CADM2: variants seen among roughly 807,000 people sequenced by gnomAD.
CADM2 encodes cell adhesion molecule 2.
CADM2 carries 12 observed loss-of-function variants against 49.8 expected under a neutral mutation model. The ratio of observed to expected loss-of-function variants is 0.24; its 90% CI spans 0.15 to 0.39. The LOEUF is 0.39. Among genes scored for constraint, CADM2 ranks in the 10% least tolerant of loss-of-function variants. The pLI, the probability that CADM2 is intolerant of heterozygous loss-of-function variation, is 1.00. For synonymous variants in CADM2, 214 were observed against 175.4 expected, an observed-to-expected ratio of 1.22 and a Z score of -1.74; for missense variants, 378 against 492.3, an observed-to-expected ratio of 0.77 and a Z score of 2.20.
intron 1 of CADM2, among the ~76,000 whole-genome samples, chr3:85,259,951 G>GAT (rs922534144): frequency 2.6e-5 from 4 of 152,066 alleles, no homozygotes; most frequent in Admixed American, 2.6e-4. Context: ...GTCATCTTTT[G>GAT]AAGATGAGTC....
intron 1 of CADM2, among the ~76,000 whole-genome samples, chr3:85,117,843 A>AT (rs2038700008): frequency 6.6e-6 from 1 of 152,048 alleles, no homozygotes; most frequent in African/African-American, 2.4e-5. Flanking sequence ...TGGGCATTAT[A>AT]TTTTTTATAT....
At chr3:85,963,902 T>C (rs1725153499) in intron 8 of CADM2, among the ~76,000 whole-genome samples, 1 of 151,870 alleles carries the variant, frequency 6.6e-6, no homozygotes, top group Non-Finnish European at 1.5e-5. Flanking sequence ...TTCATGCTGC[T>C]AGATAAATGC....
At chr3:85,410,217 G>A (rs886226568) in intron 1 of CADM2, among the ~76,000 whole-genome samples, 5 of 151,986 alleles carry the variant, frequency 3.3e-5, no homozygotes, top group Admixed American at 6.6e-5. Flanking sequence ...TATGCATATC[G>A]CCACTAAGGC....
intron 1 of CADM2, among the ~76,000 whole-genome samples, chr3:85,375,063 G>A (rs924436171): frequency 6.6e-6 from 1 of 152,174 alleles, no homozygotes; most frequent in Non-Finnish European, 1.5e-5. Flanking sequence ...GGAGATTACT[G>A]TGTGTCAGTT....
At chr3:85,445,166 T>A (rs6797581) in intron 1 of CADM2, among the ~76,000 whole-genome samples, 1 of 151,980 alleles carries the variant, frequency 6.6e-6, no homozygotes, top group Non-Finnish European at 1.5e-5. Flanking sequence ...TCAATGATTT[T>A]CCTAAGGAAA....
At chr3:85,233,001 A>G (rs920482932) in intron 1 of CADM2, among the ~76,000 whole-genome samples, 1 of 152,212 alleles carries the variant, frequency 6.6e-6, no homozygotes, top group Non-Finnish European at 1.5e-5. Context: ...AAATACCTCA[A>G]TAGTTGAATG....
intron 1 of CADM2, among the ~76,000 whole-genome samples, chr3:85,529,872 A>G (rs921014247): frequency 2.0e-5 from 3 of 152,070 alleles, no homozygotes; most frequent in Non-Finnish European, 2.9e-5. Context: ...CTGAATTTCA[A>G]TATCTTATAA....
At chr3:85,108,153 A>C (rs2038317862) in intron 1 of CADM2, among the ~76,000 whole-genome samples, 1 of 152,172 alleles carries the variant, frequency 6.6e-6, no homozygotes, top group African/African-American at 2.4e-5. Context: ...TACAATAGCC[A>C]ATAGTTGGAA....
At chr3:85,135,320 C>A (rs1379046732) in intron 1 of CADM2, among the ~76,000 whole-genome samples, 2 of 151,844 alleles carry the variant, frequency 1.3e-5, no homozygotes, top group Admixed American at 6.6e-5. Context: ...ATTCAAAATT[C>A]TCTAGAACTT....
chr3:85,628,667 A>G (rs1187748916), intron 1 of CADM2, among the ~76,000 whole-genome samples: 3 of 147,864 alleles, frequency 2.0e-5, no homozygotes, highest in Admixed American at 6.9e-5. Flanking sequence ...GTATATGTGT[A>G]TATATACACA....
chr3:85,592,640 C>A lies in CADM2; in HGVS notation c.62-133882C>A, dbSNP rs1235812194. Among the ~76,000 whole-genome samples the A allele has an allele frequency of 2.0e-5, 3 of 151,884 alleles. No homozygotes were observed. In the East Asian group the frequency reaches 5.8e-4, roughly 30 times the overall value. ...TTGGTGAGTATGATAGTCTCATACTCATGAATTTAGGTAAGAAATATAACT... is the reference window on the plus strand; with the variant it reads ...TTGGTGAGTATGATAGTCTCATACTAATGAATTTAGGTAAGAAATATAACT... On this transcript the variant is annotated intron_variant, in intron 1 of 9. Coordinates refer to ENST00000383699, the MANE Select transcript of CADM2 (RefSeq NM_001167675.2).
chr3:85,926,726 G>A (rs984236035), intron 6 of CADM2, among the ~76,000 whole-genome samples: 1 of 152,096 alleles, frequency 6.6e-6, no homozygotes, highest in Non-Finnish European at 1.5e-5. Flanking sequence ...AAATGAGACA[G>A]TGGGTGTATT....
chr3:85,917,960 C>T (rs2108495962), intron 6 of CADM2, among the ~76,000 whole-genome samples: 1 of 152,240 alleles, frequency 6.6e-6, no homozygotes, highest in Non-Finnish European at 1.5e-5. Flanking sequence ...CATGGTTTGG[C>T]TCTCTGTCTG....
At chr3:85,717,881 C>T (rs2067354122) in intron 1 of CADM2, among the ~76,000 whole-genome samples, 1 of 152,130 alleles carries the variant, frequency 6.6e-6, no homozygotes, top group Admixed American at 6.6e-5. Context: ...ATTTCTCCTG[C>T]CTCAGCCTCC....
intron 1 of CADM2, among the ~76,000 whole-genome samples, chr3:85,199,401 G>A (rs2041433578): frequency 1.3e-5 from 2 of 149,822 alleles, no homozygotes; most frequent in Non-Finnish European, 1.5e-5. Context: ...AGCCCAAATA[G>A]GCAGAGAAAA....
chr3:85,753,777 G>C (rs9835478), intron 2 of CADM2, among the ~76,000 whole-genome samples: 15,804 of 152,088 alleles, frequency 0.1, 928 homozygotes, highest in South Asian at 0.12. Flanking sequence ...CCGCGAACTC[G>C]TATGCGTCTG....
intron 1 of CADM2, among the ~76,000 whole-genome samples, chr3:85,408,251 C>T (rs2035493233): frequency 6.6e-6 from 1 of 151,980 alleles, no homozygotes; most frequent in Non-Finnish European, 1.5e-5. Context: ...GGATTCAGCG[C>T]AGTAAATGTA....
At chr3:85,436,758 A>G (rs540815094) in intron 1 of CADM2, among the ~76,000 whole-genome samples, 1 of 152,260 alleles carries the variant, frequency 6.6e-6, no homozygotes, top group African/African-American at 2.4e-5. Context: ...TTTCCCGTGT[A>G]CTCACTGCCT....
intron 1 of CADM2, among the ~76,000 whole-genome samples, chr3:84,975,672 C>T (rs2031773329): frequency 6.6e-6 from 1 of 151,818 alleles, no homozygotes; most frequent in East Asian, 1.9e-4. Context: ...AAGTTTTACC[C>T]TAATAGGAAA....
Sources: allele counts gnomAD v4.1 joint callset (sites outside exome capture counted in the v4.1 genomes callset), GRCh38; gene constraint gnomAD v4.1.1; transcripts MANE v1.5; gene names NCBI Gene and HGNC (gene_info 2026-07-23, HGNC 2026-07-21).